Variants in SLC23A2 observed in about 807,000 individuals in gnomAD.
The protein encoded by SLC23A2 is solute carrier family 23 member 2, also known as Na(+)/L-ascorbic acid transporter 2.
Under a neutral mutation model 73.3 loss-of-function variants are expected in SLC23A2, and 36 were observed. The observed-to-expected ratio is 0.49, with a 90% CI of 0.38 to 0.65. The LOEUF is 0.65. SLC23A2 is among the 30% of genes least tolerant of loss of function. SLC23A2 has a pLI of 0.00. For missense variants in SLC23A2, 507 were observed against 841.6 expected (o/e 0.60, Z 4.92); for synonymous variants, 343 against 327.3 (o/e 1.05, Z -0.52).
intron 1 of SLC23A2, among the ~76,000 whole-genome samples, chr20:4,984,509 C>A (rs1354385649): frequency 2.0e-5 from 3 of 147,976 alleles, no homozygotes; most frequent in African/African-American, 7.5e-5. Flanking sequence ...GCCGAGATTG[C>A]ACCACTGCAC....
chr20:4,977,394 AGAC>A (rs1406086155), intron 1 of SLC23A2, among the ~76,000 whole-genome samples: 1 of 152,042 alleles, frequency 6.6e-6, no homozygotes, highest in Non-Finnish European at 1.5e-5. Context: ...TTTTTAATAA[AGAC>A]AAGCTCTCAA....
chr20:4,929,364 G>A (rs948602600), intron 3 of SLC23A2, among the ~76,000 whole-genome samples: 4 of 152,178 alleles, frequency 2.6e-5, no homozygotes, highest in African/African-American at 9.6e-5. Context: ...CCTAAGCCAG[G>A]CAGCCTCGGC....
intron 1 of SLC23A2, among the ~76,000 whole-genome samples, chr20:4,979,083 A>G (rs909851498): frequency 2.0e-5 from 3 of 152,152 alleles, no homozygotes; most frequent in Non-Finnish European, 2.9e-5. Context: ...TCACAAGGTC[A>G]GGAGTTCGAG....
Position 4,872,971 on chromosome 20 carries a change from C to A in SLC23A2, c.1102+965G>T, listed in dbSNP as rs1735912130. 6.6e-6 allele frequency among the ~76,000 whole-genome samples: 1 copy of A among 152,184 alleles called. No homozygotes were observed. The highest frequency in any genetic ancestry group is 2.1e-4 in the South Asian group (1 of 4,830). The stretch of plus-strand genomic sequence containing the variant: ...GTTTCACCATGTTGGCCAGGCTGGT[C>A]TTGAACTCCTGACCTCGGGTGATCC... On this transcript the variant is annotated intron_variant, in intron 11 of 16. Coordinates refer to ENST00000338244, the MANE Select transcript of SLC23A2 (RefSeq NM_005116.6). The surrounding 1 kb of genome is among the most constrained non-coding windows in gnomAD (Gnocchi z 4.4).
chr20:4,966,354 GT>G (rs1188342801), intron 2 of SLC23A2, among the ~76,000 whole-genome samples: 1 of 152,136 alleles, frequency 6.6e-6, no homozygotes, highest in Non-Finnish European at 1.5e-5. Flanking sequence ...GAGCTTGGAA[GT>G]TGAAAACATA....
chr20:4,908,393 A>C (rs1932029525), intron 4 of SLC23A2, among the ~76,000 whole-genome samples: 1 of 152,220 alleles, frequency 6.6e-6, no homozygotes, highest in Admixed American at 6.5e-5. Context: ...ATTGTTCCAG[A>C]TTAAAGGAGA....
At chr20:4,932,985 G>C (rs933943592) in intron 2 of SLC23A2, among the ~76,000 whole-genome samples, 1 of 151,950 alleles carries the variant, frequency 6.6e-6, no homozygotes, top group Non-Finnish European at 1.5e-5. Flanking sequence ...AATAGCTAAG[G>C]TACTTCTTTG....
intron 2 of SLC23A2, among the ~76,000 whole-genome samples, chr20:4,934,799 G>A (rs953591729): frequency 5.3e-5 from 8 of 151,746 alleles, no homozygotes; most frequent in African/African-American, 9.7e-5. Flanking sequence ...GGAGCCGGAC[G>A]TTGCAGTGAG....
chr20:4,932,723 A>C lies in SLC23A2; in HGVS notation c.-154-7T>G. On this transcript the variant is annotated splice_region_variant and splice_polypyrimidine_tract_variant and intron_variant, in intron 2 of 16. Coordinates refer to ENST00000338244, the MANE Select transcript of SLC23A2 (RefSeq NM_005116.6). ...AAACGGCATCTCTTAGCACCTAGAA[A>C]AGAAGAGCACAGCCAAATCACCCCA... is the stretch of plus-strand genomic sequence containing the variant. 2 of 593,276 alleles carry C rather than the reference A, an allele frequency of 3.4e-6. No homozygotes were observed. The highest frequency in any genetic ancestry group is 6.0e-6 in the Non-Finnish European group (2 of 333,226). 36.8% of individuals were successfully genotyped at this position (593,276 alleles called of 1,614,324 possible).
At chr20:4,996,685 C>CAAAA (rs1555809857) in intron 1 of SLC23A2, among the ~76,000 whole-genome samples, 114 of 54,610 alleles carry the variant, frequency 2.1e-3, no homozygotes, top group African/African-American at 4.1e-3. Flanking sequence ...GATTCCATCT[C>CAAAA]AAAAAAAAAA....
Position 4,861,988 on chromosome 20 carries a change from G to C in SLC23A2, c.1584C>G (p.Leu528=), listed in dbSNP as rs369987109. 3.1e-6 allele frequency: 5 copies of C among 1,614,150 alleles called. No homozygotes were observed. In the Admixed American group the frequency reaches 5.0e-5, roughly 16 times the overall value. The change falls in exon 15 of 17, where the codon CTC becomes CTG. Residue 528 remains leucine (L), a synonymous_variant. Transcript: ENST00000338244. The part of the protein sequence containing the change: ...FVLGFSIFFG[L]VLPSYLRQNP... ...TCTGTCTGAGGTAACTTGGAAGGAC[G>C]AGCCCAAAGAAGATCGAAAATCCAA...
chr20:5,005,631 A>G (rs2088182039), upstream of SLC23A2, among the ~76,000 whole-genome samples: 1 of 152,186 alleles, frequency 6.6e-6, no homozygotes, highest in South Asian at 2.1e-4. Context: ...GCTAGATAAT[A>G]AATGTTTTAG....
intron 2 of SLC23A2, among the ~76,000 whole-genome samples, chr20:4,955,115 T>C (rs2087263628): frequency 6.6e-6 from 1 of 151,922 alleles, no homozygotes; most frequent in Non-Finnish European, 1.5e-5. Context: ...TAGCTGGACA[T>C]GGTGGTGCAT....
chr20:4,953,238 G>A (rs1002583503), intron 2 of SLC23A2, among the ~76,000 whole-genome samples: 9 of 151,892 alleles, frequency 5.9e-5, no homozygotes, highest in African/African-American at 2.2e-4. Context: ...CCCGGGAGAT[G>A]GAGACTGCAG....
intron 1 of SLC23A2, among the ~76,000 whole-genome samples, chr20:4,983,414 A>G (rs1018673729): frequency 6.6e-6 from 1 of 152,126 alleles, no homozygotes; most frequent in Non-Finnish European, 1.5e-5. Context: ...CGGGAGGCCA[A>G]GGCGGGCAGA....
At chr20:4,943,543 T>G (rs776353068) in intron 2 of SLC23A2, among the ~76,000 whole-genome samples, 1 of 151,086 alleles carries the variant, frequency 6.6e-6, no homozygotes, top group African/African-American at 2.4e-5. Flanking sequence ...GGCATGGTGG[T>G]ATCCGCCTGT....
chr20:4,928,303 A>G (rs924820202), intron 3 of SLC23A2, among the ~76,000 whole-genome samples: 3 of 152,196 alleles, frequency 2.0e-5, no homozygotes, highest in Non-Finnish European at 2.9e-5. Context: ...GGCCTCCCAG[A>G]GTGCTGAGAT....
At position 4,932,731 on chromosome 20, in the gene SLC23A2, C is replaced by T; in HGVS notation, c.-154-15G>A. On this transcript the variant is annotated splice_polypyrimidine_tract_variant and intron_variant, in intron 2 of 16. Transcript: ENST00000338244. ...TCTCTTAGCACCTAGAAAAGAAGAG[C>T]ACAGCCAAATCACCCCAAAGCATGA... 2 of 586,318 alleles carry T rather than the reference C, an allele frequency of 3.4e-6. No individual in the cohort carries two copies. The highest frequency in any genetic ancestry group is 6.1e-6 in the Non-Finnish European group (2 of 329,910). The allele number at this position is 586,318 out of a possible 1,614,324, so 36.3% of individuals were successfully genotyped here.
intron 9 of SLC23A2, among the ~76,000 whole-genome samples, chr20:4,879,789 G>T (rs1329425415): frequency 6.6e-6 from 1 of 152,198 alleles, no homozygotes; most frequent in Non-Finnish European, 1.5e-5. Context: ...ATTATGCCTT[G>T]TTCTTTCATT....
Sources: gnomAD v4.1 joint callset for allele counts (sites outside exome capture counted in the v4.1 genomes callset) on GRCh38, gnomAD v4.1.1 for gene constraint, Gnocchi (gnomAD v3.1) non-coding constraint, MANE v1.5 for transcripts, NCBI Gene and HGNC (gene_info 2026-07-23, HGNC 2026-07-21) for gene names.